The following FOXP1 variants were observed in gnomAD, a reference collection of about 807,000 sequenced individuals.
The protein encoded by FOXP1 is forkhead box P1.
A neutral mutation model predicts 98.2 loss-of-function variants in FOXP1; 15 were observed. The ratio of observed to expected loss-of-function variants is 0.15; its 90% CI spans 0.10 to 0.24. The LOEUF is 0.24. FOXP1 is among the 10% of genes least tolerant of loss of function. The pLI, the probability that FOXP1 is intolerant of heterozygous loss-of-function variation, is 1.00. For synonymous variants in FOXP1, 371 were observed against 314.5 expected, an observed-to-expected ratio of 1.18 and a Z score of -1.90; for missense variants, 633 against 848.5, an observed-to-expected ratio of 0.75 and a Z score of 3.15.
At chr3:70,979,155 G>T (rs1179084639) in intron 14 of FOXP1, among the ~76,000 whole-genome samples, 3 of 151,110 alleles carry the variant, frequency 2.0e-5, no homozygotes, top group Non-Finnish European at 4.4e-5. Flanking sequence ...GGTGGCACAT[G>T]CCTGTAGTCC....
At chr3:71,521,498 G>A (rs1217244366) in intron 2 of FOXP1, among the ~76,000 whole-genome samples, 2 of 143,312 alleles carry the variant, frequency 1.4e-5, no homozygotes, top group African/African-American at 2.5e-5. Flanking sequence ...CTGCACTCCA[G>A]TTTGGCCAAC....
chr3:71,102,238 G>T (rs1176357244), intron 7 of FOXP1, among the ~76,000 whole-genome samples: 1 of 152,132 alleles, frequency 6.6e-6, no homozygotes, highest in Non-Finnish European at 1.5e-5. Context: ...AAATAGCCGG[G>T]ATGACTTCAT....
intron 4 of FOXP1, among the ~76,000 whole-genome samples, chr3:71,345,055 T>C (rs1252565400): frequency 3.3e-5 from 5 of 152,006 alleles, no homozygotes; most frequent in Non-Finnish European, 5.9e-5. Flanking sequence ...AAGAAAATAT[T>C]TGGGGATACA....
intron 4 of FOXP1, among the ~76,000 whole-genome samples, chr3:71,300,696 T>C (rs926545034): frequency 2.0e-4 from 31 of 152,218 alleles, no homozygotes; most frequent in African/African-American, 7.5e-4. Context: ...TGTTTATTAA[T>C]TTAGATCAAG....
intron 5 of FOXP1, among the ~76,000 whole-genome samples, chr3:71,267,590 T>C (rs1258689447): frequency 6.6e-6 from 1 of 152,118 alleles, no homozygotes; most frequent in Admixed American, 6.5e-5. Context: ...AATGCAAGAA[T>C]AGAGACACAG....
At chr3:71,195,589 A>C (rs1482550747) in intron 6 of FOXP1, among the ~76,000 whole-genome samples, 1 of 152,134 alleles carries the variant, frequency 6.6e-6, no homozygotes, top group East Asian at 1.9e-4. Context: ...CAAAGCTGTA[A>C]CCCCTGTTGT....
chr3:71,525,677 A>C (rs2043320222), intron 2 of FOXP1, among the ~76,000 whole-genome samples: 1 of 152,126 alleles, frequency 6.6e-6, no homozygotes, highest in South Asian at 2.1e-4. Flanking sequence ...TGAGGCCTTT[A>C]TATTTATTTA....
chr3:71,234,769 C>T (rs2066634151), intron 5 of FOXP1, among the ~76,000 whole-genome samples: 1 of 152,162 alleles, frequency 6.6e-6, no homozygotes, highest in African/African-American at 2.4e-5. Context: ...AATGGAAGCA[C>T]TGTATGGAAA....
chr3:71,143,951 C>T lies in FOXP1; in HGVS notation c.181-31314G>A, dbSNP rs568815375. 7.0e-4 allele frequency among the ~76,000 whole-genome samples: 106 copies of T among 152,106 alleles called. 1 individual carries two copies. The South Asian group carries it at 0.014, about 21-fold the overall frequency. ...TACGGCTTTTACTAATGACTTTTCACGTCGCACTATAAAACCCATCTAACC... is the reference window on the plus strand; with the variant it reads ...TACGGCTTTTACTAATGACTTTTCATGTCGCACTATAAAACCCATCTAACC... On this transcript the variant is annotated intron_variant, in intron 6 of 20. Coordinates refer to ENST00000649528, the MANE Select transcript of FOXP1 (RefSeq NM_001349338.3).
chr3:71,118,069 T>C (rs967532901), intron 6 of FOXP1, among the ~76,000 whole-genome samples: 1 of 152,214 alleles, frequency 6.6e-6, no homozygotes, highest in African/African-American at 2.4e-5. Flanking sequence ...TGCCCGGATC[T>C]GCACAAGGAG....
rs75823578 is a variant in FOXP1 at position 71,392,084 on chromosome 3, T to C, written c.-167-32840A>G. ...CTGAATTTTCTTTAGAAAACATATCTAATCAAAATTATCGTTGGGTTATGA... is the reference window on the plus strand; with the variant it reads ...CTGAATTTTCTTTAGAAAACATATCCAATCAAAATTATCGTTGGGTTATGA... On this transcript the variant is annotated intron_variant, in intron 3 of 20. Transcript: ENST00000649528. Among the ~76,000 whole-genome samples, 1,055 of 152,302 alleles carry C rather than the reference T, an allele frequency of 6.9e-3. 10 individuals are homozygous for C. The highest frequency in any genetic ancestry group is 9.0e-3 in the Non-Finnish European group (611 of 68,018).
intron 3 of FOXP1, among the ~76,000 whole-genome samples, chr3:71,397,988 G>C (rs1331551038): frequency 6.6e-6 from 1 of 151,970 alleles, no homozygotes; most frequent in Admixed American, 6.6e-5. Flanking sequence ...GGGAGAGGAA[G>C]GAAGGAAAAC....
At chr3:71,469,270 C>T (rs1405891461) in intron 3 of FOXP1, among the ~76,000 whole-genome samples, 1 of 152,152 alleles carries the variant, frequency 6.6e-6, no homozygotes, top group East Asian at 1.9e-4. Flanking sequence ...CAAAACAACA[C>T]TGTTTCCATA....
intron 2 of FOXP1, among the ~76,000 whole-genome samples, chr3:71,505,894 C>T (rs1368479322): frequency 6.6e-6 from 1 of 152,232 alleles, no homozygotes; most frequent in Non-Finnish European, 1.5e-5. Context: ...GCCCGGAAGC[C>T]TCTCAAATGA....
intron 3 of FOXP1, among the ~76,000 whole-genome samples, chr3:71,408,051 C>T (rs940673232): frequency 2.0e-5 from 3 of 152,178 alleles, no homozygotes; most frequent in African/African-American, 4.8e-5. Context: ...TCCCTGCCAA[C>T]GACTCCCTTC....
intron 5 of FOXP1, among the ~76,000 whole-genome samples, chr3:71,275,611 T>C (rs1439974266): frequency 6.6e-6 from 1 of 152,262 alleles, no homozygotes; most frequent in Non-Finnish European, 1.5e-5. Flanking sequence ...GAACAAAACA[T>C]ACCGAGGCAC....
At position 70,979,279 on chromosome 3, in the gene FOXP1, C is replaced by CAAAAAAA. The variant is rs544916383; in HGVS notation, c.1147-1257_1147-1251dup. On this transcript the variant is annotated intron_variant, in intron 14 of 20. Transcript: ENST00000649528. The stretch of plus-strand genomic sequence containing the variant: ...TGGGTGATAGAGTGAGACTCTACCT[C>CAAAAAAA]AAAAAAAAAAAAAAAAAAAAAAAAA... 2.3e-3 allele frequency among the ~76,000 whole-genome samples: 96 copies of CAAAAAAA among 42,548 alleles called. 5 individuals carry two copies. The highest frequency in any genetic ancestry group is 2.6e-3 in the Non-Finnish European group (71 of 26,834). 27.9% of individuals were successfully genotyped at this position (42,548 alleles called of 152,430 possible).
At chr3:71,298,274 G>A (rs2073517527) in intron 5 of FOXP1, among the ~76,000 whole-genome samples, 1 of 152,052 alleles carries the variant, frequency 6.6e-6, no homozygotes, top group Non-Finnish European at 1.5e-5. Flanking sequence ...AGACCAGCCT[G>A]ACCAACATGG....
chr3:71,216,460 G>A (rs2064938574), intron 5 of FOXP1, among the ~76,000 whole-genome samples: 1 of 152,124 alleles, frequency 6.6e-6, no homozygotes. Flanking sequence ...GATTTGAATG[G>A]GCTGGGAAGC....
Sources: gnomAD v4.1 joint callset for allele counts (sites outside exome capture counted in the v4.1 genomes callset) on GRCh38, gnomAD v4.1.1 for gene constraint, MANE v1.5 for transcripts, NCBI Gene and HGNC (gene_info 2026-07-23, HGNC 2026-07-21) for gene names.